The following KCNIP4 variants were observed in gnomAD, a reference collection of about 807,000 sequenced individuals.
The protein encoded by KCNIP4 is Kv channel-interacting protein 4.
A neutral mutation model predicts 34.0 loss-of-function variants in KCNIP4; 12 were observed. That is an observed-to-expected ratio of 0.35 (90% CI 0.23 to 0.57). The LOEUF is 0.57. Ranked by LOEUF, KCNIP4 falls within the 20% of genes least tolerant of loss-of-function variation. KCNIP4 has a pLI of 0.83. For missense variants in KCNIP4, 238 were observed against 311.7 expected (o/e 0.76, Z 1.78); for synonymous variants, 124 against 102.2 (o/e 1.21, Z -1.29).
chr4:20,930,168 T>A (rs1730308986), intron 1 of KCNIP4, among the ~76,000 whole-genome samples: 1 of 151,964 alleles, frequency 6.6e-6, no homozygotes, highest in Admixed American at 6.6e-5. Context: ...ACAAATGGCA[T>A]GAAAACGAAA....
At chr4:20,773,575 A>G (rs1425930767) in intron 3 of KCNIP4, among the ~76,000 whole-genome samples, 1 of 152,180 alleles carries the variant, frequency 6.6e-6, no homozygotes, top group Non-Finnish European at 1.5e-5. Flanking sequence ...TTAGGGTTGT[A>G]TCATCATAAT....
chr4:20,873,416 C>T (rs4235287), intron 2 of KCNIP4, among the ~76,000 whole-genome samples: 150,523 of 152,308 alleles, frequency 0.99, 74,402 homozygotes, highest in African/African-American at 1. Context: ...ACAGACTTTT[C>T]AAGCAGTTTC....
At chr4:20,787,099 A>G (rs954581334) in intron 3 of KCNIP4, among the ~76,000 whole-genome samples, 12 of 152,168 alleles carry the variant, frequency 7.9e-5, no homozygotes, top group African/African-American at 2.7e-4. Context: ...TTATTGTGCA[A>G]TTGGCAAAGG....
chr4:21,019,673 A>G (rs1187142193), intron 1 of KCNIP4, among the ~76,000 whole-genome samples: 1 of 152,198 alleles, frequency 6.6e-6, no homozygotes, highest in East Asian at 1.9e-4. Flanking sequence ...ATTTTGTTCA[A>G]ATCAAATACA....
At chr4:21,409,373 G>A (rs1294220078) in intron 1 of KCNIP4, among the ~76,000 whole-genome samples, 1 of 152,044 alleles carries the variant, frequency 6.6e-6, no homozygotes, top group Non-Finnish European at 1.5e-5. Flanking sequence ...CCAAGGCACT[G>A]GAATTACAAG....
rs115105243 is a variant in KCNIP4, at chr4:20,797,993, T to A, written c.289-39103A>T. Among the ~76,000 whole-genome samples, 354 of 152,326 alleles carry A rather than the reference T, an allele frequency of 2.3e-3. 1 individual carries two copies. The highest frequency in any genetic ancestry group is 8.2e-3 in the African/African-American group (339 of 41,576). On this transcript the variant is annotated intron_variant, in intron 3 of 8. Coordinates refer to ENST00000382152, the MANE Select transcript of KCNIP4 (RefSeq NM_025221.6). Reference sequence around the variant, plus strand: ...GTGTTTTTAGCCTCTAAGTTGGTGATAATTTGCTACGCAGCAATAGAAAAC... The same window carrying A: ...GTGTTTTTAGCCTCTAAGTTGGTGAAAATTTGCTACGCAGCAATAGAAAAC...
chr4:21,121,655 C>T (rs191544347), intron 1 of KCNIP4, among the ~76,000 whole-genome samples: 14,786 of 152,202 alleles, frequency 0.097, 887 homozygotes, highest in African/African-American at 0.16. Context: ...ACATATTTCT[C>T]ATTGGTAAAA....
chr4:21,670,845 A>C (rs981911822), intron 1 of KCNIP4, among the ~76,000 whole-genome samples: 2 of 151,832 alleles, frequency 1.3e-5, no homozygotes, highest in East Asian at 1.9e-4. Context: ...TTTAGTAGAG[A>C]CGGGGTTTCA....
chr4:21,056,335 C>G (rs1743396469), intron 1 of KCNIP4, among the ~76,000 whole-genome samples: 1 of 152,148 alleles, frequency 6.6e-6, no homozygotes, highest in African/African-American at 2.4e-5. Context: ...ACAATTCGTT[C>G]TCTTGACTGT....
At chr4:21,658,655 C>G (rs1222026703) in intron 1 of KCNIP4, among the ~76,000 whole-genome samples, 1 of 152,140 alleles carries the variant, frequency 6.6e-6, no homozygotes, top group Non-Finnish European at 1.5e-5. Flanking sequence ...GCCACCTCAG[C>G]CCCCCAAAGT....
chr4:21,621,710 A>T (rs1190196260), intron 1 of KCNIP4, among the ~76,000 whole-genome samples: 1 of 152,088 alleles, frequency 6.6e-6, no homozygotes, highest in East Asian at 1.9e-4. Context: ...ACAATAGACA[A>T]TGAGGCTTAA....
intron 1 of KCNIP4, among the ~76,000 whole-genome samples, chr4:21,485,862 GCCA>G (rs1307767249): frequency 2.0e-5 from 3 of 152,168 alleles, no homozygotes; most frequent in Non-Finnish European, 4.4e-5. Context: ...TCATAAAGTA[GCCA>G]CTTCACCAAG....
chr4:21,286,128 C>CT (rs1448091172), intron 1 of KCNIP4, among the ~76,000 whole-genome samples: 1 of 152,124 alleles, frequency 6.6e-6, no homozygotes, highest in Non-Finnish European at 1.5e-5. Flanking sequence ...TTGGTTACCG[C>CT]TTTTTTTCTC....
intron 1 of KCNIP4, among the ~76,000 whole-genome samples, chr4:20,963,543 C>T (rs528816396): frequency 6.6e-5 from 10 of 151,674 alleles, no homozygotes; most frequent in Admixed American, 5.2e-4. Flanking sequence ...AGGAAAGGTG[C>T]TATGTGTACT....
At chr4:21,904,741 G>T (rs1513576) in intron 1 of KCNIP4, among the ~76,000 whole-genome samples, 152,284 of 152,286 alleles carry the variant, frequency 1, 76,141 homozygotes, top group Non-Finnish European at 1. Flanking sequence ...CATTTTTTGT[G>T]GTAGGGGGTT....
intron 1 of KCNIP4, among the ~76,000 whole-genome samples, chr4:21,745,713 A>T (rs1262037428): frequency 6.6e-6 from 1 of 152,204 alleles, no homozygotes; most frequent in Non-Finnish European, 1.5e-5. Flanking sequence ...ACAGGAAAAG[A>T]TGAATAATTG....
In KCNIP4 at chr4:21,396,071, TATATACATATATAA is replaced by T. The variant is rs1198685997; in HGVS notation, c.62-513376_62-513363del. On this transcript the variant is annotated intron_variant, in intron 1 of 8. Coordinates refer to ENST00000382152, the MANE Select transcript of KCNIP4 (RefSeq NM_025221.6). ...TGTAGAGTCTCCTATATATAGTCTATATATACATATATAAGACTATGTAGAGTCTCCTATATATA... is the reference window on the plus strand; with the variant it reads ...TGTAGAGTCTCCTATATATAGTCTATGACTATGTAGAGTCTCCTATATATA... 1.7e-3 allele frequency among the ~76,000 whole-genome samples: 253 copies of T among 151,868 alleles called. 1 individual carries two copies. Among genetic ancestry groups the T allele is most frequent in the Middle Eastern group, 3.5e-3 (1 of 288 alleles).
chr4:21,357,657 G>C (rs779464862), intron 1 of KCNIP4, among the ~76,000 whole-genome samples: 6 of 152,104 alleles, frequency 3.9e-5, no homozygotes, highest in African/African-American at 7.2e-5. Context: ...ATCATTGAAA[G>C]GTCAGGAAAC....
intron 1 of KCNIP4, among the ~76,000 whole-genome samples, chr4:21,103,344 A>G (rs955887446): frequency 5.5e-5 from 8 of 146,760 alleles, no homozygotes; most frequent in African/African-American, 2.0e-4. Flanking sequence ...AATATATAAT[A>G]TACATATAAT....
Sources: gnomAD v4.1 joint callset for allele counts (sites outside exome capture counted in the v4.1 genomes callset) on GRCh38, gnomAD v4.1.1 for gene constraint, MANE v1.5 for transcripts, NCBI Gene and HGNC (gene_info 2026-07-23, HGNC 2026-07-21) for gene names.